Variants in PTPRG observed in about 807,000 individuals in gnomAD.
PTPRG encodes the protein receptor-type tyrosine-protein phosphatase gamma.
Under a neutral mutation model 165.3 loss-of-function variants are expected in PTPRG, and 102 were observed. The observed-to-expected ratio is 0.62, with a 90% CI of 0.53 to 0.73. The LOEUF (loss-of-function observed/expected upper bound fraction) is 0.73, where lower values mean the gene tolerates loss of function less well. Ranked by LOEUF, PTPRG falls within the 30% of genes least tolerant of loss-of-function variation. The pLI is 0.00. For synonymous variants in PTPRG, 675 were observed against 669.5 expected, an observed-to-expected ratio of 1.01 and a Z score of -0.13; for missense variants, 1,866 against 1,861.4, an observed-to-expected ratio of 1.00 and a Z score of -0.05.
At chr3:61,667,792 A>AT (rs1559548050) in intron 1 of PTPRG, among the ~76,000 whole-genome samples, 1 of 141,572 alleles carries the variant, frequency 7.1e-6, no homozygotes, top group Non-Finnish European at 1.5e-5. Flanking sequence ...AATTTTTTTA[A>AT]TTAAAAAAAA....
chr3:61,811,894 A>G (rs547635250), intron 2 of PTPRG, among the ~76,000 whole-genome samples: 4 of 152,328 alleles, frequency 2.6e-5, no homozygotes, highest in South Asian at 4.1e-4. Context: ...ATTAGGTTAC[A>G]AATCAGATCT....
chr3:61,664,774 T>C (rs1398723687), intron 1 of PTPRG, among the ~76,000 whole-genome samples: 1 of 152,120 alleles, frequency 6.6e-6, no homozygotes, highest in East Asian at 1.9e-4. Context: ...GAGGTTGCGG[T>C]GAGCCGAGAT....
intron 1 of PTPRG, among the ~76,000 whole-genome samples, chr3:61,639,660 T>C (rs1702011715): frequency 6.6e-6 from 1 of 152,162 alleles, no homozygotes; most frequent in African/African-American, 2.4e-5. Flanking sequence ...TTTTATTCTT[T>C]TTTGTGGCTA....
chr3:61,704,678 A>T (rs2106720290), intron 1 of PTPRG, among the ~76,000 whole-genome samples: 1 of 151,452 alleles, frequency 6.6e-6, no homozygotes, highest in East Asian at 1.9e-4. Flanking sequence ...TTAAAGAAAA[A>T]CTCCTCTGAG....
chr3:62,281,538 C>CTTTTTGTTTTTTTTTTTT, intron 26 of PTPRG, 25 bp from the exon 27 acceptor site: 1 of 620,526 alleles, frequency 1.6e-6, no homozygotes, highest in Non-Finnish European at 2.1e-6. Context: ...ACTGCAGAGG[C>CTTTTTGTTTTTTTTTTTT]TTTTTTTTTT....
intron 2 of PTPRG, among the ~76,000 whole-genome samples, chr3:61,921,324 C>T (rs1417898878): frequency 1.3e-5 from 2 of 151,842 alleles, no homozygotes; most frequent in African/African-American, 2.4e-5. Flanking sequence ...GAGAACATAT[C>T]GAAGTAAGAT....
At chr3:61,956,094 A>G (rs1223898754) in intron 2 of PTPRG, among the ~76,000 whole-genome samples, 4 of 151,558 alleles carry the variant, frequency 2.6e-5, no homozygotes, top group Non-Finnish European at 4.4e-5. Flanking sequence ...AAAAAATTAT[A>G]TATATATATA....
At chr3:61,790,649 T>C (rs1478816693) in intron 2 of PTPRG, among the ~76,000 whole-genome samples, 1 of 152,156 alleles carries the variant, frequency 6.6e-6, no homozygotes, top group African/African-American at 2.4e-5. Context: ...GCTATTTACT[T>C]TACCCTTGGT....
At chr3:61,899,109 G>A (rs1441510744) in intron 2 of PTPRG, among the ~76,000 whole-genome samples, 2 of 152,116 alleles carry the variant, frequency 1.3e-5, no homozygotes, top group Admixed American at 6.5e-5. Context: ...TAGAGATGGA[G>A]TCCCATTCTG....
At position 62,203,069 on chromosome 3, in the gene PTPRG, C is replaced by T. The variant is rs1700132654; in HGVS notation, c.1378-104C>T. ...CCATAGCATAGATGAGTAAAATCCT[C>T]AGAGGGTGACAACCAGGGCCTCATT... On this transcript the variant is annotated intron_variant, in intron 11 of 29. Transcript: ENST00000474889. The surrounding 1 kb of genome is among the most constrained non-coding windows in gnomAD (Gnocchi z 6.4). 4 of 1,498,050 alleles carry T rather than the reference C, an allele frequency of 2.7e-6. No homozygotes were observed. Among genetic ancestry groups the T allele is most frequent in the Non-Finnish European group, 3.6e-6 (4 of 1,123,748 alleles). 92.8% of individuals were successfully genotyped at this position (1,498,050 alleles called of 1,614,324 possible).
Position 62,113,486 on chromosome 3 carries a change from C to T in PTPRG, c.616-19116C>T, listed in dbSNP as rs139301571. On this transcript the variant is annotated intron_variant, in intron 5 of 29. Transcript: ENST00000474889. ...ATTTGATATATACACAGATCCAAAT[C>T]GTAAAATACACATACCAAATTATAT... Among the ~76,000 whole-genome samples the T allele has an allele frequency of 1.5e-3, 233 of 152,184 alleles. 3 individuals are homozygous for T. Among genetic ancestry groups the T allele is most frequent in the South Asian group, 0.012 (59 of 4,796 alleles).
intron 4 of PTPRG, among the ~76,000 whole-genome samples, chr3:62,033,538 C>T (rs890893559): frequency 8.2e-6 from 1 of 121,902 alleles, no homozygotes; most frequent in African/African-American, 3.3e-5. Flanking sequence ...CTTCCCCCCC[C>T]CACCCCCCAC....
chr3:61,992,442 C>G (rs2040920585), intron 3 of PTPRG, among the ~76,000 whole-genome samples: 1 of 152,124 alleles, frequency 6.6e-6, no homozygotes, highest in African/African-American at 2.4e-5. Context: ...TCATTGCAAC[C>G]TCTGCCTCCC....
At chr3:61,600,186 A>ATGTGTGTGTGTGTGTGTGTGTGTG (rs1189934671) in intron 1 of PTPRG, among the ~76,000 whole-genome samples, 3 of 116,006 alleles carry the variant, frequency 2.6e-5, no homozygotes, top group Admixed American at 1.8e-4. Context: ...ATATATATAT[A>ATGTGTGTGTGTGTGTGTGTGTGTG]TATATATGTG....
At chr3:61,674,590 G>A (rs1703158131) in intron 1 of PTPRG, among the ~76,000 whole-genome samples, 1 of 150,562 alleles carries the variant, frequency 6.6e-6, no homozygotes, top group South Asian at 2.1e-4. Context: ...CAAAAAATTC[G>A]ATTGATGTGC....
At chr3:61,687,926 T>C (rs904895648) in intron 1 of PTPRG, among the ~76,000 whole-genome samples, 1 of 152,216 alleles carries the variant, frequency 6.6e-6, no homozygotes, top group African/African-American at 2.4e-5. Flanking sequence ...ATTATGTTCA[T>C]AGGGGTTTGG....
At chr3:61,665,288 C>G (rs973389422) in intron 1 of PTPRG, among the ~76,000 whole-genome samples, 1 of 152,142 alleles carries the variant, frequency 6.6e-6, no homozygotes, top group Non-Finnish European at 1.5e-5. Flanking sequence ...TTCACTGTCT[C>G]TTCCTGGAAG....
chr3:62,150,203 G>GT (rs1704278872), intron 6 of PTPRG, among the ~76,000 whole-genome samples: 1 of 152,224 alleles, frequency 6.6e-6, no homozygotes, highest in East Asian at 1.9e-4. Context: ...CGTGAATGGA[G>GT]TAATGAAGAA....
intron 1 of PTPRG, among the ~76,000 whole-genome samples, chr3:61,602,413 A>G (rs1413821396): frequency 6.6e-6 from 1 of 152,144 alleles, no homozygotes; most frequent in East Asian, 1.9e-4. Flanking sequence ...GGACCAGTCA[A>G]GTGTCCAGCT....
Sources: gnomAD v4.1 joint callset for allele counts (sites outside exome capture counted in the v4.1 genomes callset) on GRCh38, gnomAD v4.1.1 for gene constraint, Gnocchi (gnomAD v3.1) non-coding constraint, MANE v1.5 for transcripts, NCBI Gene and HGNC (gene_info 2026-07-23, HGNC 2026-07-21) for gene names.